Variants in RAD51C observed in about 807,000 individuals in gnomAD.
RAD51C encodes DNA repair protein RAD51 homolog 3.
In RAD51C, 42 loss-of-function variants were observed where a neutral mutation model predicts 45.0. The observed-to-expected ratio is 0.93, with a 90% CI of 0.73 to 1.21. The LOEUF (loss-of-function observed/expected upper bound fraction) is 1.21, where lower values mean the gene tolerates loss of function less well. Among genes scored for constraint, RAD51C ranks in the 50% most tolerant of loss-of-function variants. The probability of loss-of-function intolerance (pLI) is 0.00; values close to 1 mark genes in which losing one functional copy is unlikely to be tolerated. For synonymous variants in RAD51C, 172 were observed against 159.8 expected (o/e 1.08, Z -0.58); for missense variants, 474 against 452.2 (o/e 1.05, Z -0.44).
chr17:58,715,595 G>C (rs1047399954), intron 5 of RAD51C, among the ~76,000 whole-genome samples: 6 of 151,904 alleles, frequency 3.9e-5, no homozygotes, highest in African/African-American at 9.7e-5. Flanking sequence ...AGATCATACA[G>C]TATATGGCCT....
intron 7 of RAD51C, chr17:58,732,244 T>G: frequency 4.9e-6 from 2 of 407,360 alleles, no homozygotes; most frequent in Non-Finnish European, 4.4e-6. Context: ...GTAAAATAAT[T>G]TATTTGAATC....
At chr17:58,714,862 T>C (rs1321280572) in intron 5 of RAD51C, among the ~76,000 whole-genome samples, 1 of 152,294 alleles carries the variant, frequency 6.6e-6, no homozygotes, top group South Asian at 2.1e-4. Context: ...TAATGACATA[T>C]ATGATTCATC....
At chr17:58,696,126 G>A (rs892745528) in intron 2 of RAD51C, among the ~76,000 whole-genome samples, 12 of 151,692 alleles carry the variant, frequency 7.9e-5, no homozygotes, top group African/African-American at 2.9e-4. Context: ...TGAGAGGCCT[G>A]GAAATGATTA....
chr17:58,708,609 A>G (rs558639991), intron 4 of RAD51C, among the ~76,000 whole-genome samples: 8 of 151,656 alleles, frequency 5.3e-5, no homozygotes, highest in African/African-American at 1.9e-4. Context: ...GTTTGTTTAC[A>G]TTTGGGTTAG....
chr17:58,735,132 T>G lies in RAD51C; in HGVS notation c.*910T>G, dbSNP rs1241747681. On this transcript the variant is annotated 3_prime_UTR_variant, in exon 9 of 9. Coordinates refer to ENST00000337432, the MANE Select transcript of RAD51C (RefSeq NM_058216.3). ...AGGACTTTGGAGCTGTTATCTCATCTAGAGATTGTTTGGAACATATGTCTT... is the reference window on the plus strand; with the variant it reads ...AGGACTTTGGAGCTGTTATCTCATCGAGAGATTGTTTGGAACATATGTCTT... 2 of 152,194 alleles carry G rather than the reference T, an allele frequency of 1.3e-5. No homozygotes were observed. The highest frequency in any genetic ancestry group is 4.8e-5 in the African/African-American group (2 of 41,452). 9.4% of individuals were successfully genotyped at this position (152,194 alleles called of 1,614,324 possible). A position where few individuals can be genotyped will look rare whatever the true frequency, so the allele number is the denominator to read the frequency against.
intron 4 of RAD51C, among the ~76,000 whole-genome samples, chr17:58,704,107 T>C (rs62081315): frequency 0.18 from 28,004 of 151,408 alleles, 2,766 homozygotes; most frequent in Non-Finnish European, 0.21. Flanking sequence ...TGACTGAACT[T>C]GGCCCCATCC....
intron 5 of RAD51C, 120 bp downstream of exon 5, chr17:58,710,110 A>C (rs1162275027): frequency 1.7e-6 from 2 of 1,177,914 alleles, no homozygotes; most frequent in Non-Finnish European, 2.4e-6. Flanking sequence ...AGTTTTGAGT[A>C]AAGTTACGTT....
rs774685897 is a variant in RAD51C, at chr17:58,692,661, C to G, written c.18C>G (p.Phe6Leu). 3 of 1,614,196 alleles carry G rather than the reference C, an allele frequency of 1.9e-6. No individual in the cohort carries two copies. The highest frequency in any genetic ancestry group is 2.5e-6 in the Non-Finnish European group (3 of 1,180,034). ...AGCCTGCGATGCGCGGGAAGACGTT[C>G]CGCTTTGAAATGCAGCGGGATTTGG... is the stretch of plus-strand genomic sequence containing the variant. MRGKTFRFEMQRDLVS... is the reference protein window; with the variant it reads MRGKTLRFEMQRDLVS... Residue 6 changes from phenylalanine (F) to leucine (L), a missense_variant, in exon 1 of 9, where the codon TTC becomes TTG. Phe to Leu is a conservative substitution (Grantham distance 22). Coordinates refer to ENST00000337432, the MANE Select transcript of RAD51C (RefSeq NM_058216.3).
intron 1 of RAD51C, chr17:58,694,685 G>A (rs2047928915): frequency 2.1e-6 from 1 of 469,140 alleles, no homozygotes; most frequent in South Asian, 2.0e-5. Context: ...ATGTTGGCCA[G>A]GCTGGTCTTC....
At chr17:58,696,601 T>C (rs1442176054) in intron 2 of RAD51C, 92 bp from the exon 3 acceptor site, 5 of 1,490,860 alleles carry the variant, frequency 3.4e-6, no homozygotes, top group South Asian at 1.1e-5. Flanking sequence ...TATAAAACTT[T>C]AGTGATACCT....
At chr17:58,733,727 C>CT (rs911239965) in intron 8 of RAD51C, among the ~76,000 whole-genome samples, 17 of 151,612 alleles carry the variant, frequency 1.1e-4, no homozygotes, top group African/African-American at 2.2e-4. Context: ...CAAGAACTTT[C>CT]TTTTTTTTTG....
chr17:58,730,333 T>A (rs1337372714), intron 7 of RAD51C, among the ~76,000 whole-genome samples: 27 of 137,426 alleles, frequency 2.0e-4, no homozygotes, highest in African/African-American at 8.2e-4. Flanking sequence ...CCCAGCTAAT[T>A]TTTTTTTTTT....
At chr17:58,724,193 G>T in intron 7 of RAD51C, 93 bp downstream of exon 7, 1 of 1,205,568 alleles carries the variant, frequency 8.3e-7, no homozygotes, top group Non-Finnish European at 1.2e-6. Flanking sequence ...CTGTGGATGA[G>T]ATATACAGTG....
chr17:58,716,655 G>C lies in RAD51C; in HGVS notation c.838-4091G>C, dbSNP rs180715338. Among the ~76,000 whole-genome samples, 17 of 151,556 alleles carry C rather than the reference G, an allele frequency of 1.1e-4. No individual in the cohort carries two copies. In the East Asian group the frequency reaches 1.4e-3, roughly 12 times the overall value. On this transcript the variant is annotated intron_variant, in intron 5 of 8. Transcript: ENST00000337432. ...TTTTTTGTATTTTTAGTCGAGACAGGGTTTCACCATGTTAGCCAGGATGGC... is the reference window on the plus strand; with the variant it reads ...TTTTTTGTATTTTTAGTCGAGACAGCGTTTCACCATGTTAGCCAGGATGGC...
intron 4 of RAD51C, 48 bp downstream of exon 4, chr17:58,703,377 T>G (rs1449221316): frequency 1.9e-6 from 3 of 1,576,904 alleles, no homozygotes; most frequent in Non-Finnish European, 2.6e-6. Context: ...TTTTTTGAGG[T>G]GTTTGATAAG....
Position 58,734,136 on chromosome 17 carries a change from A to G in RAD51C, c.1045A>G (p.Thr349Ala), listed in dbSNP as rs1567818564. The G allele has an allele frequency of 6.2e-7, 1 of 1,613,454 alleles. No homozygotes were observed. Among genetic ancestry groups the G allele is most frequent in the Non-Finnish European group, 8.5e-7 (1 of 1,179,650 alleles). The change falls in exon 9 of 9, where the codon ACT (threonine) becomes GCT (alanine). Residue 349 changes from threonine to alanine, a missense_variant. Physicochemically the swap from Thr to Ala is moderately conservative, Grantham distance 58. Transcript: ENST00000337432. ...CTTTCAGCCTCAGGGATTTAGAGAT[A>G]CTGTTGTTACTTCTGCATGTTCATT... The part of the protein sequence containing the change: ...FQIKPQGFRD[T>A]VVTSACSLQT...
intron 7 of RAD51C, 61 bp from the exon 8 acceptor site, chr17:58,732,423 C>T (rs2144042750): frequency 7.0e-7 from 1 of 1,426,948 alleles, no homozygotes; most frequent in Non-Finnish European, 9.9e-7. Flanking sequence ...GTTTGGTCAT[C>T]TGAACTTTTA....
chr17:58,704,439 ATT>A (rs879696109), intron 4 of RAD51C, among the ~76,000 whole-genome samples: 2 of 142,968 alleles, frequency 1.4e-5, no homozygotes, highest in Non-Finnish European at 1.5e-5. Flanking sequence ...CGCCTGGCTA[ATT>A]TTTTTTTTTT....
At chr17:58,725,046 A>G (rs2049066798) in intron 7 of RAD51C, among the ~76,000 whole-genome samples, 2 of 152,192 alleles carry the variant, frequency 1.3e-5, no homozygotes, top group East Asian at 1.9e-4. Context: ...TTCTGTATAT[A>G]TCTTTTGCAA....
Sources: allele counts gnomAD v4.1 joint callset (sites outside exome capture counted in the v4.1 genomes callset), GRCh38; gene constraint gnomAD v4.1.1; transcripts MANE v1.5; gene names NCBI Gene and HGNC (gene_info 2026-07-23, HGNC 2026-07-21).